The following GRID2 variants were observed in gnomAD, a reference collection of about 807,000 sequenced individuals.
GRID2 encodes the protein glutamate ionotropic receptor delta type subunit 2, also known as glutamate receptor ionotropic, delta-2.
In GRID2, 33 loss-of-function variants were observed where a neutral mutation model predicts 114.8. That is an observed-to-expected ratio of 0.29 (90% CI 0.22 to 0.38). The LOEUF (loss-of-function observed/expected upper bound fraction) is 0.38. Among genes scored for constraint, GRID2 ranks in the 10% least tolerant of loss-of-function variants. The pLI is 1.00. For missense variants in GRID2, 1,184 were observed against 1,257.7 expected, an observed-to-expected ratio of 0.94 and a Z score of 0.89; for synonymous variants, 505 against 449.9, an observed-to-expected ratio of 1.12 and a Z score of -1.55.
At chr4:93,116,696 T>G (rs1733294367) in intron 4 of GRID2, among the ~76,000 whole-genome samples, 2 of 152,038 alleles carry the variant, frequency 1.3e-5, no homozygotes, top group African/African-American at 4.8e-5. Flanking sequence ...CTTAACAATT[T>G]CTTAGTTTCC....
At chr4:92,726,364 G>A (rs557154164) in intron 2 of GRID2, among the ~76,000 whole-genome samples, 1 of 152,184 alleles carries the variant, frequency 6.6e-6, no homozygotes, top group Admixed American at 6.5e-5. Context: ...ACGTCACTCA[G>A]ACTATAGGAA....
chr4:93,621,384 C>T (rs1465221917), intron 13 of GRID2, among the ~76,000 whole-genome samples: 1 of 152,134 alleles, frequency 6.6e-6, no homozygotes, highest in African/African-American at 2.4e-5. Context: ...TTTTCTTCCT[C>T]ATAATGAGAC....
At chr4:92,903,512 G>A (rs1747732963) in intron 2 of GRID2, among the ~76,000 whole-genome samples, 2 of 150,554 alleles carry the variant, frequency 1.3e-5, no homozygotes, top group Non-Finnish European at 2.9e-5. Context: ...TTAACCTGGA[G>A]GAACCCACAG....
intron 2 of GRID2, among the ~76,000 whole-genome samples, chr4:92,701,012 A>AC (rs1734652235): frequency 2.0e-5 from 3 of 150,584 alleles, no homozygotes; most frequent in Non-Finnish European, 4.4e-5. Flanking sequence ...AAAAAAAAAG[A>AC]CACATACATT....
At chr4:93,208,596 T>C (rs1743088211) in intron 5 of GRID2, among the ~76,000 whole-genome samples, 1 of 151,996 alleles carries the variant, frequency 6.6e-6, no homozygotes, top group African/African-American at 2.4e-5. Context: ...TTTCCTCTTT[T>C]TACACAGAAA....
intron 2 of GRID2, among the ~76,000 whole-genome samples, chr4:92,898,856 C>A (rs1451910098): frequency 6.6e-6 from 1 of 152,024 alleles, no homozygotes; most frequent in African/African-American, 2.4e-5. Context: ...CATTATTTTT[C>A]TACTCTAAAT....
intron 1 of GRID2, among the ~76,000 whole-genome samples, chr4:92,392,952 A>G (rs1730317905): frequency 6.6e-6 from 1 of 152,186 alleles, no homozygotes; most frequent in Non-Finnish European, 1.5e-5. Flanking sequence ...GTGAGACTGG[A>G]TAACTTACAA....
chr4:92,662,807 G>A (rs1044507552), intron 2 of GRID2, among the ~76,000 whole-genome samples: 2 of 150,928 alleles, frequency 1.3e-5, no homozygotes, highest in Non-Finnish European at 3.0e-5. Flanking sequence ...AACAATATTG[G>A]AGTTTTCTGG....
At chr4:92,761,856 C>T (rs1738025917) in intron 2 of GRID2, among the ~76,000 whole-genome samples, 1 of 152,122 alleles carries the variant, frequency 6.6e-6, no homozygotes, top group South Asian at 2.1e-4. Flanking sequence ...GAAGAAAATG[C>T]CAAGTTCCTG....
intron 8 of GRID2, among the ~76,000 whole-genome samples, chr4:93,239,805 G>A (rs1747270071): frequency 6.6e-6 from 1 of 151,444 alleles, no homozygotes; most frequent in Non-Finnish European, 1.5e-5. Context: ...TGATTTTTAC[G>A]ATGTTAATTT....
At chr4:92,600,061 T>C (rs868702504) in intron 2 of GRID2, among the ~76,000 whole-genome samples, 1 of 123,278 alleles carries the variant, frequency 8.1e-6, no homozygotes, top group Admixed American at 7.8e-5. Flanking sequence ...TATATATATA[T>C]ATATATATAT....
intron 2 of GRID2, among the ~76,000 whole-genome samples, chr4:92,738,078 GTTAA>G (rs1384565502): frequency 9.9e-5 from 15 of 152,244 alleles, no homozygotes; most frequent in Non-Finnish European, 2.9e-5. Flanking sequence ...CATTTTAAAA[GTTAA>G]TTAAAAGTTT....
intron 2 of GRID2, among the ~76,000 whole-genome samples, chr4:92,609,490 T>G (rs1002472330): frequency 1.3e-5 from 2 of 151,464 alleles, no homozygotes; most frequent in Non-Finnish European, 3.0e-5. Flanking sequence ...AGGTGCCATT[T>G]AAAATAAAGT....
intron 12 of GRID2, among the ~76,000 whole-genome samples, chr4:93,491,842 A>G (rs1170474042): frequency 2.0e-5 from 3 of 151,958 alleles, no homozygotes; most frequent in South Asian, 4.1e-4. Flanking sequence ...ATAAATAAAT[A>G]GGGTATTATT....
rs1511297 is a variant in GRID2, at chr4:93,070,297, A to G, written c.245-14698A>G. Among the ~76,000 whole-genome samples, 295 of 152,180 alleles carry G rather than the reference A, an allele frequency of 1.9e-3. 1 individual carries two copies. The highest frequency in any genetic ancestry group is 6.8e-3 in the African/African-American group (284 of 41,554). On this transcript the variant is annotated intron_variant, in intron 2 of 15. Transcript: ENST00000282020. Reference sequence around the variant, plus strand: ...ACCATTAAATAGTGTTTCTGACCTCATGCACTGTTCCATAGCTTTGTAAAG... The same window carrying G: ...ACCATTAAATAGTGTTTCTGACCTCGTGCACTGTTCCATAGCTTTGTAAAG...
At position 92,931,697 on chromosome 4, in the gene GRID2, G is replaced by T. The variant is rs1052328985; in HGVS notation, c.245-153298G>T. Among the ~76,000 whole-genome samples, 53 of 149,104 alleles carry T rather than the reference G, an allele frequency of 3.6e-4. 1 individual carries two copies. Among genetic ancestry groups the T allele is most frequent in the African/African-American group, 1.3e-3 (52 of 40,754 alleles). Reference sequence around the variant, plus strand: ...AAATAACCTGGATAAAAAAAAAAAAGTTTGAATACTTAATATGATTTGATT... The same window carrying T: ...AAATAACCTGGATAAAAAAAAAAAATTTTGAATACTTAATATGATTTGATT... On this transcript the variant is annotated intron_variant, in intron 2 of 15. Transcript: ENST00000282020.
intron 2 of GRID2, 75 bp downstream of exon 2, chr4:92,590,361 T>C: frequency 6.8e-6 from 7 of 1,030,630 alleles, no homozygotes; most frequent in Non-Finnish European, 1.0e-5. Flanking sequence ...ATGAAACTTA[T>C]TAAACATGGA....
intron 14 of GRID2, among the ~76,000 whole-genome samples, chr4:93,753,094 A>G (rs1429377519): frequency 6.6e-6 from 1 of 152,212 alleles, no homozygotes; most frequent in Non-Finnish European, 1.5e-5. Flanking sequence ...ATTGTTAGAT[A>G]TGATCTTCTT....
At chr4:93,496,742 G>GA (rs1727585115) in intron 12 of GRID2, among the ~76,000 whole-genome samples, 1 of 151,768 alleles carries the variant, frequency 6.6e-6, no homozygotes, top group African/African-American at 2.4e-5. Context: ...ATAATCCATG[G>GA]TATGGATGTA....
Sources: gnomAD v4.1 joint callset for allele counts (sites outside exome capture counted in the v4.1 genomes callset) on GRCh38, gnomAD v4.1.1 for gene constraint, MANE v1.5 for transcripts, NCBI Gene and HGNC (gene_info 2026-07-23, HGNC 2026-07-21) for gene names.